The following RBM33 variants were observed in gnomAD, a reference collection of about 807,000 sequenced individuals.
The protein encoded by RBM33 is RNA-binding protein 33.
A neutral mutation model predicts 132.6 loss-of-function variants in RBM33; 28 were observed. That is an observed-to-expected ratio of 0.21 (90% CI 0.16 to 0.29). RBM33 has a LOEUF of 0.29. Ranked by LOEUF, RBM33 falls within the 10% of genes least tolerant of loss-of-function variation. The pLI, the probability that RBM33 is intolerant of heterozygous loss-of-function variation, is 1.00. For missense variants in RBM33, 1,291 were observed against 1,518.5 expected, an observed-to-expected ratio of 0.85 and a Z score of 2.49; for synonymous variants, 634 against 593.0, an observed-to-expected ratio of 1.07 and a Z score of -1.01.
At chr7:155,771,003 T>C (rs899530443) in intron 16 of RBM33, among the ~76,000 whole-genome samples, 2 of 152,310 alleles carry the variant, frequency 1.3e-5, no homozygotes, top group Non-Finnish European at 1.5e-5. Context: ...AGAAGTTGTC[T>C]GAAGATGTCT....
intron 9 of RBM33, among the ~76,000 whole-genome samples, chr7:155,723,697 T>C (rs1184141891): frequency 6.6e-6 from 1 of 152,354 alleles, no homozygotes; most frequent in East Asian, 1.9e-4. Context: ...GAGATAGGGC[T>C]GGGTTCAAGT....
In RBM33 at chr7:155,777,815, G is replaced by T. The variant is rs1802671707; in HGVS notation, c.*2774G>T. Reference sequence around the variant, plus strand: ...TGTATATTCGATTTTTATAAAGATGGTAGTAAGTCAATACATTTATCCTGA... The same window carrying T: ...TGTATATTCGATTTTTATAAAGATGTTAGTAAGTCAATACATTTATCCTGA... On this transcript the variant is annotated 3_prime_UTR_variant, in exon 18 of 18. Transcript: ENST00000401878. 1 of 152,756 alleles carries T rather than the reference G, an allele frequency of 6.5e-6. No individual in the cohort carries two copies. Among genetic ancestry groups the T allele is most frequent in the East Asian group, 1.9e-4 (1 of 5,188 alleles). The allele number at this position is 152,756 out of a possible 1,614,324, so 9.5% of individuals were successfully genotyped here. A position where few individuals can be genotyped will look rare whatever the true frequency, so the allele number is the denominator to read the frequency against.
chr7:155,762,707 CAA>C (rs1235548418), intron 14 of RBM33, among the ~76,000 whole-genome samples: 17 of 152,086 alleles, frequency 1.1e-4, no homozygotes, highest in Admixed American at 1.1e-3. Context: ...GAGCGGGACA[CAA>C]GGATATGTGG....
intron 1 of RBM33, among the ~76,000 whole-genome samples, chr7:155,663,556 A>G (rs1381124017): frequency 6.6e-6 from 1 of 152,182 alleles, no homozygotes; most frequent in Non-Finnish European, 1.5e-5. Flanking sequence ...GCCATGCCGG[A>G]TCTGCCCCGG....
intron 4 of RBM33, among the ~76,000 whole-genome samples, chr7:155,679,452 C>T (rs1010080028): frequency 2.0e-5 from 3 of 151,998 alleles, no homozygotes; most frequent in Non-Finnish European, 4.4e-5. Context: ...TTGACTGATA[C>T]GATGAATGTC....
chr7:155,673,943 T>TTTTTTGTTTTTG (rs1563138292), intron 3 of RBM33, among the ~76,000 whole-genome samples: 15 of 17,316 alleles, frequency 8.7e-4, no homozygotes, highest in African/African-American at 2.3e-3. Context: ...AGGCTTAGTT[T>TTTTTTGTTTTTG]TTTTTTTTTT....
At chr7:155,760,054 A>G (rs1183515483) in intron 14 of RBM33, among the ~76,000 whole-genome samples, 1 of 152,266 alleles carries the variant, frequency 6.6e-6, no homozygotes, top group Non-Finnish European at 1.5e-5. Context: ...TTCTGATGCT[A>G]TAATCTCTCT....
At chr7:155,672,840 T>A (rs1447508760) in intron 2 of RBM33, 27 bp from the exon 3 acceptor site, 1 of 1,529,198 alleles carries the variant, frequency 6.5e-7, no homozygotes, top group Admixed American at 2.0e-5. Context: ...GAATAATCAT[T>A]GACATGTCTC....
intron 12 of RBM33, among the ~76,000 whole-genome samples, chr7:155,740,682 C>T (rs1459529638): frequency 1.3e-5 from 2 of 152,222 alleles, no homozygotes; most frequent in Non-Finnish European, 2.9e-5. Flanking sequence ...AGTCATTGCC[C>T]TTGTCCTCCA....
chr7:155,747,833 A>G (rs1204682365), intron 14 of RBM33, among the ~76,000 whole-genome samples: 3 of 152,278 alleles, frequency 2.0e-5, no homozygotes, highest in Non-Finnish European at 2.9e-5. Context: ...GAACCAGAAC[A>G]AATAGGATTT....
At position 155,775,731 on chromosome 7, in the gene RBM33, A is replaced by G. The variant is rs1288728199; in HGVS notation, c.*690A>G. 6.4e-6 allele frequency: 1 copy of G among 156,744 alleles called. No homozygotes were observed. The highest frequency in any genetic ancestry group is 2.4e-5 in the African/African-American group (1 of 41,474). The allele number at this position is 156,744 out of a possible 1,614,324, so 9.7% of individuals were successfully genotyped here. ...TTTAACACACTTCCCAGATAAGGCA[A>G]TGTGCTGGACAGGCACACGGCATGG... On this transcript the variant is annotated 3_prime_UTR_variant, in exon 18 of 18. Coordinates refer to ENST00000401878, the MANE Select transcript of RBM33 (RefSeq NM_053043.3).
At chr7:155,763,693 T>G in intron 14 of RBM33, 119 bp from the exon 15 acceptor site, 1 of 889,948 alleles carries the variant, frequency 1.1e-6, no homozygotes, top group South Asian at 1.4e-5. Context: ...CGAGTCACAC[T>G]TGTTTGAAAT....
At chr7:155,716,476 A>G (rs528188996) in intron 8 of RBM33, among the ~76,000 whole-genome samples, 5 of 152,018 alleles carry the variant, frequency 3.3e-5, no homozygotes, top group South Asian at 4.2e-4. Flanking sequence ...AAGAGGCTTA[A>G]TGTTTTATCC....
At chr7:155,750,463 G>A (rs1048907015) in intron 14 of RBM33, among the ~76,000 whole-genome samples, 2 of 152,170 alleles carry the variant, frequency 1.3e-5, no homozygotes, top group Non-Finnish European at 2.9e-5. Flanking sequence ...TGCCTTAGGC[G>A]GTCAGTTTCT....
intron 5 of RBM33, among the ~76,000 whole-genome samples, chr7:155,689,866 A>G (rs1356666734): frequency 2.0e-5 from 3 of 152,134 alleles, no homozygotes; most frequent in African/African-American, 7.2e-5. Context: ...GTTCTTTTAC[A>G]TTTGCTGAGG....
At chr7:155,744,008 G>GA (rs1489751698) in intron 13 of RBM33, among the ~76,000 whole-genome samples, 1 of 152,156 alleles carries the variant, frequency 6.6e-6, no homozygotes, top group Non-Finnish European at 1.5e-5. Context: ...GAGGTGGTCG[G>GA]AATTGCTTCC....
rs1585453243 is a variant in RBM33 at position 155,698,423 on chromosome 7, T to A, written c.568-2350T>A. On this transcript the variant is annotated intron_variant, in intron 5 of 17. Transcript: ENST00000401878. ...CGTTTTGGTAGACAGGTTAGTTTTC[T>A]AAACCATATGGTGAAGGGGGATGGA... Among the ~76,000 whole-genome samples, 11 of 152,248 alleles carry A rather than the reference T, an allele frequency of 7.2e-5. No individual in the cohort carries two copies. In the South Asian group the frequency reaches 2.3e-3, roughly 32 times the overall value.
intron 5 of RBM33, among the ~76,000 whole-genome samples, chr7:155,692,530 C>G (rs1799674754): frequency 6.6e-6 from 1 of 152,202 alleles, no homozygotes; most frequent in South Asian, 2.1e-4. Context: ...CTTCCTGTAA[C>G]ACAACCTCCT....
intron 5 of RBM33, among the ~76,000 whole-genome samples, chr7:155,693,431 A>G (rs180877950): frequency 4.0e-4 from 60 of 151,730 alleles, no homozygotes; most frequent in Middle Eastern, 6.8e-3. Context: ...GAGCTCATCC[A>G]TATTAAGTAT....
Sources: allele counts gnomAD v4.1 joint callset (sites outside exome capture counted in the v4.1 genomes callset), GRCh38; gene constraint gnomAD v4.1.1; transcripts MANE v1.5; gene names NCBI Gene and HGNC (gene_info 2026-07-23, HGNC 2026-07-21).